Variants in PHF2 observed in about 807,000 individuals in gnomAD.
The protein encoded by PHF2 is lysine-specific demethylase PHF2.
In PHF2, 27 loss-of-function variants were observed where a neutral mutation model predicts 120.5. The observed-to-expected ratio is 0.22, with a 90% CI of 0.17 to 0.31. PHF2 has a LOEUF of 0.31. PHF2 is among the 10% of genes least tolerant of loss of function. PHF2 has a pLI of 1.00. For missense variants in PHF2, 1,024 were observed against 1,434.8 expected, an observed-to-expected ratio of 0.71 and a Z score of 4.63; for synonymous variants, 568 against 592.5, an observed-to-expected ratio of 0.96 and a Z score of 0.60.
intron 1 of PHF2, among the ~76,000 whole-genome samples, chr9:93,598,931 C>T (rs144740145): frequency 6.6e-6 from 1 of 152,336 alleles, no homozygotes; most frequent in Admixed American, 6.5e-5. Flanking sequence ...TCCCACTGAG[C>T]CCCACCTTTT....
intron 1 of PHF2, among the ~76,000 whole-genome samples, chr9:93,621,216 C>T (rs1564384369): frequency 1.3e-5 from 2 of 152,222 alleles, no homozygotes; most frequent in Non-Finnish European, 2.9e-5. Flanking sequence ...GTGGTCACCC[C>T]CCACAACCCT....
In PHF2 at chr9:93,598,321, G is replaced by T. The variant is rs188639401; in HGVS notation, c.98+21450G>T. On this transcript the variant is annotated intron_variant, in intron 1 of 21. Transcript: ENST00000359246. ...TCACTCCCAGCCAGTGAAGAGGGCCGTGCTGCGGGAACCCTGCCACTGCGC... is the reference window on the plus strand; with the variant it reads ...TCACTCCCAGCCAGTGAAGAGGGCCTTGCTGCGGGAACCCTGCCACTGCGC... Among the ~76,000 whole-genome samples, 246 of 152,344 alleles carry T rather than the reference G, an allele frequency of 1.6e-3. 2 individuals carry two copies. The highest frequency in any genetic ancestry group is 5.7e-3 in the African/African-American group (239 of 41,586).
chr9:93,618,712 C>T (rs1825767041), intron 1 of PHF2, among the ~76,000 whole-genome samples: 1 of 151,790 alleles, frequency 6.6e-6, no homozygotes, highest in Admixed American at 6.6e-5. Context: ...GGTCACACAG[C>T]ACTCTGCGCT....
At chr9:93,647,141 G>A (rs991113724) in intron 4 of PHF2, among the ~76,000 whole-genome samples, 1 of 152,242 alleles carries the variant, frequency 6.6e-6, no homozygotes, top group African/African-American at 2.4e-5. Flanking sequence ...GTTCATGCTT[G>A]CCAGGCCAGT....
chr9:93,654,384 G>T (rs767755133), intron 6 of PHF2, 29 bp from the exon 7 acceptor site: 1 of 1,603,642 alleles, frequency 6.2e-7, no homozygotes, highest in Admixed American at 1.7e-5. Flanking sequence ...CCCAGTATGG[G>T]CGGCTCTGCC....
chr9:93,645,313 C>T (rs1266195163), intron 3 of PHF2, among the ~76,000 whole-genome samples: 3 of 152,322 alleles, frequency 2.0e-5, no homozygotes, highest in East Asian at 1.9e-4. Context: ...AGCGACCTTG[C>T]TCAGGCCCAG....
At chr9:93,663,130 T>C in intron 13 of PHF2, 104 bp downstream of exon 13, 4 of 1,459,984 alleles carry the variant, frequency 2.7e-6, no homozygotes, top group East Asian at 2.4e-5. Context: ...TGTGCAGACA[T>C]GTGTCTGCTT....
chr9:93,672,113 G>T (rs1417121241), intron 17 of PHF2, among the ~76,000 whole-genome samples: 1 of 106,026 alleles, frequency 9.4e-6, no homozygotes, highest in African/African-American at 3.9e-5. Context: ...TACAGGTGTA[G>T]ATGCAGGTGT....
Position 93,674,915 on chromosome 9 carries a change from G to A in PHF2, c.2627-12G>A. 2 of 1,607,624 alleles carry A rather than the reference G, an allele frequency of 1.2e-6. No homozygotes were observed. The highest frequency in any genetic ancestry group is 1.7e-6 in the Non-Finnish European group (2 of 1,174,458). On this transcript the variant is annotated splice_polypyrimidine_tract_variant and intron_variant, in intron 18 of 21. Transcript: ENST00000359246. ...ACTCAGCGGGCCACGCCTTCCCTCT[G>A]CCTCCCTCTAGTTTACCCCTCACTG...
chr9:93,598,637 G>A (rs1229748566), intron 1 of PHF2, among the ~76,000 whole-genome samples: 3 of 152,088 alleles, frequency 2.0e-5, no homozygotes, highest in Admixed American at 1.3e-4. Flanking sequence ...GTATCAGGGC[G>A]GGGGTTCACC....
chr9:93,634,962 G>A (rs1826065806), intron 2 of PHF2, among the ~76,000 whole-genome samples: 2 of 152,212 alleles, frequency 1.3e-5, no homozygotes, highest in African/African-American at 4.8e-5. Flanking sequence ...CACAAGGCCC[G>A]TGTGAGCCTT....
At chr9:93,653,712 CA>C (rs1218332678) in intron 6 of PHF2, among the ~76,000 whole-genome samples, 2 of 152,054 alleles carry the variant, frequency 1.3e-5, no homozygotes, top group African/African-American at 4.8e-5. Flanking sequence ...GCACAGGAGC[CA>C]GGGGGCAGGA....
intron 17 of PHF2, among the ~76,000 whole-genome samples, chr9:93,668,223 A>C (rs1389809842): frequency 6.6e-6 from 1 of 152,186 alleles, no homozygotes; most frequent in Non-Finnish European, 1.5e-5. Context: ...GGAGGCTTCC[A>C]TAGCGCCTTA....
chr9:93,580,063 G>A (rs1416653489), intron 1 of PHF2, among the ~76,000 whole-genome samples: 3 of 152,206 alleles, frequency 2.0e-5, no homozygotes, highest in Non-Finnish European at 4.4e-5. Context: ...TGGAGTAGAG[G>A]TCGGGGAAAC....
intron 10 of PHF2, 23 bp from the exon 11 acceptor site, chr9:93,659,488 C>T: frequency 6.2e-7 from 1 of 1,607,308 alleles, no homozygotes; most frequent in Non-Finnish European, 8.5e-7. Flanking sequence ...CTGGTGCTGA[C>T]CCTGGGTCCG....
At chr9:93,626,343 T>G (rs1340834942) in intron 1 of PHF2, among the ~76,000 whole-genome samples, 3 of 152,264 alleles carry the variant, frequency 2.0e-5, no homozygotes, top group East Asian at 1.9e-4. Context: ...ATGTTGAGCT[T>G]CTTTTCATGT....
chr9:93,617,730 C>T (rs943641315), intron 1 of PHF2, among the ~76,000 whole-genome samples: 12 of 152,186 alleles, frequency 7.9e-5, no homozygotes, highest in Non-Finnish European at 4.4e-5. Context: ...CAAGGAAAGC[C>T]ATCCGAGTCC....
chr9:93,671,254 G>T, intron 17 of PHF2: 1 of 932,326 alleles, frequency 1.1e-6, no homozygotes, highest in Non-Finnish European at 1.3e-6. Context: ...AGGTGTAGAT[G>T]CAGGTGCGGG....
At position 93,615,322 on chromosome 9, in the gene PHF2, T is replaced by A. The variant is rs554483035; in HGVS notation, c.99-14648T>A. On this transcript the variant is annotated intron_variant, in intron 1 of 21. Coordinates refer to ENST00000359246, the MANE Select transcript of PHF2 (RefSeq NM_005392.4). ...TGATGATGTGTGATAGTGATAGTGATGATGGTGATGGTGATGATAGCAATG... is the reference window on the plus strand; with the variant it reads ...TGATGATGTGTGATAGTGATAGTGAAGATGGTGATGGTGATGATAGCAATG... Among the ~76,000 whole-genome samples, 27 of 151,740 alleles carry A rather than the reference T, an allele frequency of 1.8e-4. 1 individual carries two copies. The highest frequency in any genetic ancestry group is 3.9e-4 in the Admixed American group (6 of 15,250).
Sources: gnomAD v4.1 joint callset for allele counts (sites outside exome capture counted in the v4.1 genomes callset) on GRCh38, gnomAD v4.1.1 for gene constraint, MANE v1.5 for transcripts, NCBI Gene and HGNC (gene_info 2026-07-23, HGNC 2026-07-21) for gene names.